RBFOX1: variants seen among roughly 807,000 people sequenced by gnomAD.
RBFOX1 encodes the protein RNA binding protein fox-1 homolog 1.
A neutral mutation model predicts 57.7 loss-of-function variants in RBFOX1; 8 were observed. The ratio of observed to expected loss-of-function variants is 0.14; its 90% CI spans 0.08 to 0.25. The LOEUF is 0.25. Among genes scored for constraint, RBFOX1 ranks in the 10% least tolerant of loss-of-function variants. RBFOX1 has a pLI of 1.00. For missense variants in RBFOX1, 611 were observed against 548.5 expected, an observed-to-expected ratio of 1.11 and a Z score of -1.14; for synonymous variants, 326 against 222.4, an observed-to-expected ratio of 1.47 and a Z score of -4.15.
intron 4 of RBFOX1, among the ~76,000 whole-genome samples, chr16:7,433,081 C>T (rs912283821): frequency 1.3e-5 from 2 of 152,278 alleles, no homozygotes; most frequent in African/African-American, 4.8e-5. Flanking sequence ...TCTCAGCAGC[C>T]TTGGAAGTGG....
chr16:7,363,297 C>G (rs963183913), intron 4 of RBFOX1, among the ~76,000 whole-genome samples: 4 of 152,156 alleles, frequency 2.6e-5, no homozygotes, highest in East Asian at 1.9e-4. Flanking sequence ...GTTGAGAAAT[C>G]CTGTCTCCCA....
chr16:7,193,938 A>G (rs1175750867), intron 4 of RBFOX1, among the ~76,000 whole-genome samples: 3 of 151,902 alleles, frequency 2.0e-5, no homozygotes, highest in African/African-American at 7.3e-5. Context: ...ATATAGTAGC[A>G]TCTATCTCTA....
rs143153951 is a variant in RBFOX1, at chr16:7,427,779, G to A, written c.28-90368G>A. ...AGTGATTCTTGTGCCTCAGCCTCCC[G>A]AGTAGCTGGGATTACAGGCATGTGC... is the stretch of plus-strand genomic sequence containing the variant. On this transcript the variant is annotated intron_variant, in intron 4 of 15. Coordinates refer to ENST00000550418, the MANE Select transcript of RBFOX1 (RefSeq NM_018723.4). 3.0e-3 allele frequency among the ~76,000 whole-genome samples: 453 copies of A among 151,956 alleles called. 2 individuals are homozygous for A. Among genetic ancestry groups the A allele is most frequent in the African/African-American group, 0.01 (426 of 41,454 alleles).
chr16:7,081,875 A>G (rs1298272180), intron 4 of RBFOX1, among the ~76,000 whole-genome samples: 1 of 152,222 alleles, frequency 6.6e-6, no homozygotes, highest in Admixed American at 6.5e-5. Flanking sequence ...TTTTAGTGGC[A>G]TAAATATTCC....
At chr16:5,580,402 C>T (rs950694136) in intron 2 of RBFOX1, among the ~76,000 whole-genome samples, 5 of 152,318 alleles carry the variant, frequency 3.3e-5, no homozygotes, top group African/African-American at 9.6e-5. Context: ...GGGGTAAGTG[C>T]CCACTGAGCT....
At chr16:6,854,951 G>C (rs1469158180) in intron 3 of RBFOX1, among the ~76,000 whole-genome samples, 2 of 151,932 alleles carry the variant, frequency 1.3e-5, no homozygotes, top group African/African-American at 4.8e-5. Flanking sequence ...TTTGATCACC[G>C]AGATTAGAAT....
chr16:7,635,434 ACACC>A (rs1327244235), intron 11 of RBFOX1, among the ~76,000 whole-genome samples: 1 of 152,180 alleles, frequency 6.6e-6, no homozygotes, highest in African/African-American at 2.4e-5. Flanking sequence ...ATAAACATAC[ACACC>A]ATTGTAATAA....
At chr16:6,753,545 A>G (rs759212478) in intron 3 of RBFOX1, among the ~76,000 whole-genome samples, 8 of 152,190 alleles carry the variant, frequency 5.3e-5, no homozygotes, top group East Asian at 1.9e-4. Context: ...TTCTCTTTGA[A>G]TATTTGTTAC....
At chr16:7,585,300 G>T (rs796363913) in intron 6 of RBFOX1, among the ~76,000 whole-genome samples, 1 of 152,132 alleles carries the variant, frequency 6.6e-6, no homozygotes, top group African/African-American at 2.4e-5. Context: ...TATTTCCAGT[G>T]ATTTTTCTCT....
chr16:6,890,849 C>G lies in RBFOX1; in HGVS notation c.-15-161208C>G, dbSNP rs757275135. 3.3e-5 allele frequency among the ~76,000 whole-genome samples: 5 copies of G among 152,190 alleles called. No individual in the cohort carries two copies. The South Asian group carries it at 6.2e-4, about 19-fold the overall frequency. ...TTGTGTAGGTGAAAATAGCACTTAG[C>G]AGACTCAGTAGAACTCTAAATAAAA... On this transcript the variant is annotated intron_variant, in intron 3 of 15. Transcript: ENST00000550418.
intron 3 of RBFOX1, chr16:5,616,320 C>A (rs1179882207): frequency 6.6e-6 from 1 of 152,298 alleles, no homozygotes; most frequent in Non-Finnish European, 1.5e-5. Context: ...CTGGAGCTGT[C>A]ACTCCGGACA....
intron 4 of RBFOX1, among the ~76,000 whole-genome samples, chr16:5,990,805 C>T (rs565387942): frequency 1.3e-5 from 2 of 152,246 alleles, no homozygotes; most frequent in African/African-American, 4.8e-5. Flanking sequence ...GAAAATCCAT[C>T]TCTACTAAAA....
At position 6,131,527 on chromosome 16, in the gene RBFOX1, T is replaced by C. The variant is rs113119700; in HGVS notation, c.-127+111535T>C. 6.4e-4 allele frequency among the ~76,000 whole-genome samples: 98 copies of C among 152,322 alleles called. 1 individual carries two copies. Among genetic ancestry groups the C allele is most frequent in the African/African-American group, 2.2e-3 (93 of 41,578 alleles). On this transcript the variant is annotated intron_variant, in intron 1 of 15. Coordinates refer to ENST00000550418, the MANE Select transcript of RBFOX1 (RefSeq NM_018723.4). ...CCCTCTAAGATTCTGATCCAGAACA[T>C]CTGGAACAGAGGGAAGCATCTCCAA...
intron 3 of RBFOX1, among the ~76,000 whole-genome samples, chr16:7,017,569 C>G (rs970163017): frequency 2.0e-5 from 3 of 152,154 alleles, no homozygotes; most frequent in Non-Finnish European, 4.4e-5. Context: ...GTTTTATAGA[C>G]GACTGCAAAT....
At chr16:6,905,794 C>T (rs1211092515) in intron 3 of RBFOX1, among the ~76,000 whole-genome samples, 1 of 152,214 alleles carries the variant, frequency 6.6e-6, no homozygotes, top group Admixed American at 6.5e-5. Flanking sequence ...TGAGCCGGTC[C>T]TGCCTAGGAA....
chr16:5,785,527 C>CTTTCTTTATT (rs1382386428), intron 3 of RBFOX1, among the ~76,000 whole-genome samples: 1 of 151,644 alleles, frequency 6.6e-6, no homozygotes, highest in African/African-American at 2.4e-5. Context: ...TTCTTTCTTT[C>CTTTCTTTATT]TTTCTTTTTC....
At chr16:5,835,514 A>C (rs2151836235) in intron 3 of RBFOX1, among the ~76,000 whole-genome samples, 1 of 152,290 alleles carries the variant, frequency 6.6e-6, no homozygotes, top group East Asian at 1.9e-4. Flanking sequence ...GGTTGAAAAG[A>C]GTCCAGATTC....
At chr16:6,737,841 C>T (rs1031798525) in intron 3 of RBFOX1, among the ~76,000 whole-genome samples, 1 of 152,074 alleles carries the variant, frequency 6.6e-6, no homozygotes, top group East Asian at 1.9e-4. Context: ...TGGGACATTG[C>T]AGACTTTTCC....
At chr16:6,442,555 TA>T (rs111367837) in intron 2 of RBFOX1, among the ~76,000 whole-genome samples, 14 of 132,708 alleles carry the variant, frequency 1.1e-4, no homozygotes, top group African/African-American at 2.1e-4. Flanking sequence ...CCTCAGAAAA[TA>T]AAAAAAAAAG....
Sources: gnomAD v4.1 joint callset for allele counts (sites outside exome capture counted in the v4.1 genomes callset) on GRCh38, gnomAD v4.1.1 for gene constraint, MANE v1.5 for transcripts, NCBI Gene and HGNC (gene_info 2026-07-23, HGNC 2026-07-21) for gene names.